The following ZNF431 variants were observed in gnomAD, a reference collection of about 807,000 sequenced individuals.
The protein encoded by ZNF431 is zinc finger protein 431.
A neutral mutation model predicts 57.0 loss-of-function variants in ZNF431; 34 were observed. That is an observed-to-expected ratio of 0.60 (90% CI 0.45 to 0.79). ZNF431 has a LOEUF of 0.79. ZNF431 is among the 30% of genes least tolerant of loss of function. The pLI is 0.00. For missense variants in ZNF431, 607 were observed against 667.1 expected (o/e 0.91, Z 0.99); for synonymous variants, 207 against 220.3 (o/e 0.94, Z 0.54).
intron 4 of ZNF431, among the ~76,000 whole-genome samples, chr19:21,168,361 C>G (rs1970784022): frequency 6.6e-6 from 1 of 151,374 alleles, no homozygotes; most frequent in South Asian, 2.1e-4. Context: ...TCTTTCAATC[C>G]AAGACATGAA....
chr19:21,151,712 C>T (rs1363838416), intron 2 of ZNF431, among the ~76,000 whole-genome samples: 2 of 152,090 alleles, frequency 1.3e-5, no homozygotes, highest in Non-Finnish European at 2.9e-5. Flanking sequence ...GGGTCCTAGG[C>T]CTGCATTCTA....
At chr19:21,157,033 C>T (rs529873561) in intron 2 of ZNF431, among the ~76,000 whole-genome samples, 13 of 152,284 alleles carry the variant, frequency 8.5e-5, no homozygotes, top group Non-Finnish European at 1.5e-4. Context: ...CTGCCTCGGC[C>T]TCCCAAAGTG....
intron 3 of ZNF431, among the ~76,000 whole-genome samples, chr19:21,167,154 G>T (rs545537273): frequency 6.6e-6 from 1 of 151,462 alleles, no homozygotes; most frequent in Admixed American, 6.6e-5. Flanking sequence ...CACTGCGCCT[G>T]GCTAAAACAC....
At chr19:21,168,265 A>G (rs1229701611) in intron 4 of ZNF431, among the ~76,000 whole-genome samples, 1 of 152,078 alleles carries the variant, frequency 6.6e-6, no homozygotes, top group Non-Finnish European at 1.5e-5. Context: ...TGTATTTTCT[A>G]TTGTGAAAAA....
chr19:21,188,032 G>T lies in ZNF431; in HGVS notation c.*3998G>T, dbSNP rs552224328. The T allele has an allele frequency of 5.9e-5, 9 of 152,184 alleles. No individual in the cohort carries two copies. Among genetic ancestry groups the T allele is most frequent in the African/African-American group, 2.2e-4 (9 of 41,494 alleles). 9.4% of individuals were successfully genotyped at this position (152,184 alleles called of 1,614,324 possible). ...CCAGCACTGAGATAGGCCAAGGAGG[G>T]TGGATCACTTGAGGTCAGGAGTTTG... is the stretch of plus-strand genomic sequence containing the variant. On this transcript the variant is annotated 3_prime_UTR_variant, in exon 5 of 5. Transcript: ENST00000311048.
At chr19:21,173,119 C>T (rs970572039) in intron 4 of ZNF431, among the ~76,000 whole-genome samples, 1 of 152,040 alleles carries the variant, frequency 6.6e-6, no homozygotes. Flanking sequence ...ATTATGAAAA[C>T]ATTTGATCTT....
At chr19:21,157,411 AT>A (rs1379341288) in intron 2 of ZNF431, among the ~76,000 whole-genome samples, 2 of 151,974 alleles carry the variant, frequency 1.3e-5, no homozygotes, top group African/African-American at 4.8e-5. Context: ...GTGGTATCTC[AT>A]TGTGGTCTTT....
intron 4 of ZNF431, among the ~76,000 whole-genome samples, chr19:21,171,760 G>T (rs373153521): frequency 1.7e-5 from 2 of 119,568 alleles, no homozygotes; most frequent in South Asian, 2.6e-4. Context: ...TCGCCTTTTC[G>T]CCCAGGCTGG....
At chr19:21,163,926 C>G (rs1970646669) in intron 2 of ZNF431, among the ~76,000 whole-genome samples, 1 of 151,404 alleles carries the variant, frequency 6.6e-6, no homozygotes, top group African/African-American at 2.4e-5. Context: ...ACTAAAAATA[C>G]AAAAATTAGC....
At chr19:21,167,548 G>A (rs753076297) in intron 3 of ZNF431, 23 bp from the exon 4 acceptor site, 3 of 1,504,076 alleles carry the variant, frequency 2.0e-6, no homozygotes, top group African/African-American at 1.4e-5. Context: ...CAAGATTCAT[G>A]TTATTTATTT....
At chr19:21,175,889 C>T (rs1172583546) in intron 4 of ZNF431, among the ~76,000 whole-genome samples, 1 of 152,202 alleles carries the variant, frequency 6.6e-6, no homozygotes, top group African/African-American at 2.4e-5. Context: ...TGAAGATACA[C>T]ATCCATGTAT....
chr19:21,162,829 A>T lies in ZNF431; in HGVS notation c.97-3506A>T, dbSNP rs535204458. The T allele has an allele frequency of 2.8e-4, 244 of 872,370 alleles. 3 individuals are homozygous for T. In the South Asian group the frequency reaches 9.7e-3, roughly 35 times the overall value. 54.0% of individuals were successfully genotyped at this position (872,370 alleles called of 1,614,324 possible). A position where few individuals can be genotyped will look rare whatever the true frequency, so the allele number is the denominator to read the frequency against. ...TTGTGTTAAAACCAGTGCTTACAGAAATATTCCATTTAGCAACTTGTTTTC... is the reference window on the plus strand; with the variant it reads ...TTGTGTTAAAACCAGTGCTTACAGATATATTCCATTTAGCAACTTGTTTTC... On this transcript the variant is annotated intron_variant, in intron 2 of 4. Coordinates refer to ENST00000311048, the MANE Select transcript of ZNF431 (RefSeq NM_133473.4).
chr19:21,190,028 GT>G lies in ZNF431; in HGVS notation c.*5995del, dbSNP rs1208410092. The G allele has an allele frequency of 5.2e-6, 2 of 384,518 alleles. No homozygotes were observed. Among genetic ancestry groups the G allele is most frequent in the Admixed American group, 9.0e-5 (2 of 22,286 alleles). The allele number at this position is 384,518 out of a possible 1,614,324, so 23.8% of individuals were successfully genotyped here. A position where few individuals can be genotyped will look rare whatever the true frequency, so the allele number is the denominator to read the frequency against. On this transcript the variant is annotated 3_prime_UTR_variant, in exon 5 of 5. Coordinates refer to ENST00000311048, the MANE Select transcript of ZNF431 (RefSeq NM_133473.4). ...CAAAAACAAAAAACACCTCAGCTGG[GT>G]GTGGTGGTGCAGGCCTGTAATCTCA... is the stretch of plus-strand genomic sequence containing the variant.
chr19:21,142,162 G>A lies in ZNF431; in HGVS notation c.-22G>A. The stretch of plus-strand genomic sequence containing the variant: ...TTGGGAGACCCACAGCTAAGACACC[G>A]GGACCCCCTGAAAGCCTAGAAATGG... On this transcript the variant is annotated 5_prime_UTR_variant, in exon 1 of 5. Transcript: ENST00000311048. 1 of 1,612,660 alleles carries A rather than the reference G, an allele frequency of 6.2e-7. No homozygotes were observed. The highest frequency in any genetic ancestry group is 1.7e-4 in the Middle Eastern group (1 of 6,056).
intron 4 of ZNF431, 50 bp downstream of exon 4, chr19:21,167,716 T>TA: frequency 7.4e-7 from 1 of 1,346,350 alleles, no homozygotes; most frequent in South Asian, 1.5e-5. Context: ...GGTCCAAAGC[T>TA]TAAAAAAAAA....
intron 4 of ZNF431, among the ~76,000 whole-genome samples, chr19:21,170,421 C>T (rs1279443828): frequency 2.0e-5 from 3 of 151,878 alleles, no homozygotes; most frequent in South Asian, 4.1e-4. Context: ...TTTTTACTTT[C>T]GATTTTCCAT....
In ZNF431 at chr19:21,183,904, A is replaced by G; in HGVS notation, c.1601A>G (p.His534Arg). 6.2e-7 allele frequency: 1 copy of G among 1,613,954 alleles called. No homozygotes were observed. Among genetic ancestry groups the G allele is most frequent in the Non-Finnish European group, 8.5e-7 (1 of 1,179,844 alleles). The change falls in exon 5 of 5, where the codon CAT becomes CGT. Residue 534 changes from histidine to arginine, a missense_variant. His to Arg is a conservative substitution (Grantham distance 29, BLOSUM62 0). Coordinates refer to ENST00000311048, the MANE Select transcript of ZNF431 (RefSeq NM_133473.4). ...SSTLTKHRKI[H>R]TRQKPYNCEE... ...ACTCTTACTAAACATAGGAAAATTC[A>G]TACTAGACAGAAACCCTACAACTGT...
At chr19:21,175,816 A>G (rs1477080128) in intron 4 of ZNF431, among the ~76,000 whole-genome samples, 1 of 152,084 alleles carries the variant, frequency 6.6e-6, no homozygotes, top group African/African-American at 2.4e-5. Context: ...TTCTTTATCC[A>G]GTCTGTCATA....
intron 2 of ZNF431, among the ~76,000 whole-genome samples, chr19:21,145,455 C>A (rs377368719): frequency 6.6e-6 from 1 of 152,062 alleles, no homozygotes; most frequent in African/African-American, 2.4e-5. Flanking sequence ...CCAGCCTGGG[C>A]GACAGAGCGA....
Sources: allele counts gnomAD v4.1 joint callset (sites outside exome capture counted in the v4.1 genomes callset), GRCh38; gene constraint gnomAD v4.1.1; transcripts MANE v1.5; gene names NCBI Gene and HGNC (gene_info 2026-07-23, HGNC 2026-07-21).